ATP12A: variants seen among roughly 807,000 people sequenced by gnomAD.
ATP12A encodes ATPase H+/K+ transporting non-gastric alpha2 subunit.
A neutral mutation model predicts 111.2 loss-of-function variants in ATP12A; 81 were observed. The observed-to-expected ratio is 0.73, with a 90% confidence interval of 0.61 to 0.88. The LOEUF (loss-of-function observed/expected upper bound fraction) is 0.88, where lower values mean the gene tolerates loss of function less well. Among genes scored for constraint, ATP12A ranks in the 40% least tolerant of loss-of-function variants. The probability of loss-of-function intolerance (pLI) is 0.00; values close to 1 mark genes in which losing one functional copy is unlikely to be tolerated. For synonymous variants in ATP12A, 498 were observed against 499.8 expected (o/e 1.00, Z 0.05); for missense variants, 1,196 against 1,313.1 (o/e 0.91, Z 1.38).
intron 19 of ATP12A, 128 bp downstream of exon 19, chr13:24,709,956 C>A: frequency 3.6e-6 from 5 of 1,374,440 alleles, no homozygotes; most frequent in Admixed American, 4.3e-5. Flanking sequence ...GGGCTCAGGG[C>A]CCCCTTGCTG....
chr13:24,697,047 G>T (rs1875197248), intron 11 of ATP12A, among the ~76,000 whole-genome samples: 1 of 152,218 alleles, frequency 6.6e-6, no homozygotes, highest in Non-Finnish European at 1.5e-5. Flanking sequence ...TAATTTAAAA[G>T]ATTATCCTTT....
At position 24,710,803 on chromosome 13, in the gene ATP12A, T is replaced by C. The variant is rs1358395936; in HGVS notation, c.2909T>C (p.Ile970Thr). 1 of 1,614,200 alleles carries C rather than the reference T, an allele frequency of 6.2e-7. No individual in the cohort carries two copies. The highest frequency in any genetic ancestry group is 1.1e-5 in the South Asian group (1 of 91,078). The change falls in exon 21 of 23, where the codon ATC becomes ACC. Residue 970 changes from isoleucine (I) to threonine (T), a missense_variant. By Grantham distance (89) the Ile-to-Thr change is moderately conservative (BLOSUM62 -1). Transcript: ENST00000381946. ...FQQGLFRNKV[I>T]WVGITSQIII... Reference sequence around the variant, plus strand: ...TGTGTGTCTTGCAGAAATAAAGTCATCTGGGTGGGGATCACCTCACAGATC... The same window carrying C: ...TGTGTGTCTTGCAGAAATAAAGTCACCTGGGTGGGGATCACCTCACAGATC...
chr13:24,709,256 GC>G (rs1360567048), intron 17 of ATP12A, 107 bp from the exon 18 acceptor site: 1 of 584,596 alleles, frequency 1.7e-6, no homozygotes, highest in Non-Finnish European at 2.8e-6. Flanking sequence ...CCAGCTCCAT[GC>G]CCCCCACCCC....
chr13:24,681,688 CA>C lies in ATP12A; in HGVS notation c.137del (p.His46ProfsTer97). ...NNCLELKKKN[H>X]KEEFQKELHL... ...CTGCCTGGAACTCAAAAAGAAAAAT[CA>C]CAAAGAGGAGTTTCAGAAAGAACTC... is the stretch of plus-strand genomic sequence containing the variant. On this transcript the variant is annotated frameshift_variant, in exon 2 of 23. Transcript: ENST00000381946. LOFTEE classifies it high-confidence loss of function. The C allele has an allele frequency of 6.2e-7, 1 of 1,614,188 alleles. No individual in the cohort carries two copies. The highest frequency in any genetic ancestry group is 8.5e-7 in the Non-Finnish European group (1 of 1,180,030).
chr13:24,708,319 G>A (rs1875760968), intron 17 of ATP12A, among the ~76,000 whole-genome samples: 1 of 152,212 alleles, frequency 6.6e-6, no homozygotes, highest in Non-Finnish European at 1.5e-5. Context: ...AGCAGGGAAA[G>A]CAACAGACAG....
Position 24,691,079 on chromosome 13 carries a change from T to C in ATP12A, c.897T>C (p.Ile299=), listed in dbSNP as rs1329234174. 3.1e-6 allele frequency: 5 copies of C among 1,614,256 alleles called. No individual in the cohort carries two copies. In the East Asian group the frequency reaches 1.1e-4, roughly 36 times the overall value. ...GAGTTGGAAATGAGAAGACGCCCAT[T>C]GCCATTGAGATCGAGCACTTTGTTC... ...ASGVGNEKTP[I]AIEIEHFVHI... The change falls in exon 8 of 23, where the codon ATT becomes ATC. Residue 299 remains isoleucine, a synonymous_variant. Transcript: ENST00000381946.
rs568134467 is a variant in ATP12A at position 24,703,392 on chromosome 13, G to A, written c.2018+1321G>A. Among the ~76,000 whole-genome samples the A allele has an allele frequency of 3.6e-3, 548 of 151,976 alleles. 3 individuals are homozygous for A. The highest frequency in any genetic ancestry group is 6.5e-3 in the Non-Finnish European group (441 of 67,926). On this transcript the variant is annotated intron_variant, in intron 14 of 22. Transcript: ENST00000381946. ...TGAATAGCTGGGATTACAGGCGCCC[G>A]CCACCATGCCTGGCTAATTTTGTAT... is the stretch of plus-strand genomic sequence containing the variant.
chr13:24,697,350 T>A (rs1391362897), intron 11 of ATP12A, among the ~76,000 whole-genome samples: 4 of 152,160 alleles, frequency 2.6e-5, no homozygotes, highest in Non-Finnish European at 4.4e-5. Flanking sequence ...AAGCCTTATC[T>A]TGGCCAGGTA....
Position 24,711,673 on chromosome 13 carries a change from C to A in ATP12A, c.*151C>A. The A allele has an allele frequency of 9.6e-7, 1 of 1,037,448 alleles. No homozygotes were observed. The highest frequency in any genetic ancestry group is 1.4e-6 in the Non-Finnish European group (1 of 710,332). The allele number at this position is 1,037,448 out of a possible 1,614,324, so 64.3% of individuals were successfully genotyped here. A position where few individuals can be genotyped will look rare whatever the true frequency, so the allele number is the denominator to read the frequency against. On this transcript the variant is annotated 3_prime_UTR_variant, in exon 23 of 23. Coordinates refer to ENST00000381946, the MANE Select transcript of ATP12A (RefSeq NM_001676.7). The stretch of plus-strand genomic sequence containing the variant: ...TGCAGAAAGCTGTATGCAGGATGCT[C>A]ACTGATGTTTTGCACTTTAAAACTG...
intron 13 of ATP12A, 97 bp from the exon 14 acceptor site, chr13:24,701,838 T>TC: frequency 6.6e-7 from 1 of 1,506,812 alleles, no homozygotes; most frequent in Non-Finnish European, 9.1e-7. Context: ...AACCACGTTC[T>TC]CCCAGGGCAC....
At chr13:24,689,126 G>A (rs922499413) in intron 4 of ATP12A, 136 bp from the exon 5 acceptor site, 2 of 705,800 alleles carry the variant, frequency 2.8e-6, no homozygotes, top group African/African-American at 1.8e-5. Context: ...CACTTAACAT[G>A]GGCGAATTCC....
At chr13:24,699,412 T>C (rs1477271370) in intron 12 of ATP12A, among the ~76,000 whole-genome samples, 1 of 152,132 alleles carries the variant, frequency 6.6e-6, no homozygotes, top group East Asian at 1.9e-4. Flanking sequence ...TCTTTAAATG[T>C]CTTTGGCGGC....
intron 14 of ATP12A, among the ~76,000 whole-genome samples, chr13:24,703,130 A>T (rs1426253140): frequency 6.6e-6 from 1 of 152,218 alleles, no homozygotes; most frequent in Non-Finnish European, 1.5e-5. Flanking sequence ...GCCCTTTAGT[A>T]TACATAACAT....
rs1874974043 is a variant in ATP12A, at chr13:24,692,884, C to T, written c.1365C>T (p.Val455=). The T allele has an allele frequency of 4.3e-6, 7 of 1,613,756 alleles. No individual in the cohort carries two copies. Among genetic ancestry groups the T allele is most frequent in the Non-Finnish European group, 5.9e-6 (7 of 1,179,774 alleles). ...AGTTCAAGCCAGGACAGGAAAATGTCCCCATCATGAAGGTAATGCTTCTGC... is the reference window on the plus strand; with the variant it reads ...AGTTCAAGCCAGGACAGGAAAATGTTCCCATCATGAAGGTAATGCTTCTGC... ...RAEFKPGQEN[V]PIMKKAVIGD... is the part of the protein sequence containing the mutation. Residue 455 remains valine (V), a synonymous_variant, in exon 10 of 23, where the codon GTC becomes GTT. Coordinates refer to ENST00000381946, the MANE Select transcript of ATP12A (RefSeq NM_001676.7).
intron 8 of ATP12A, among the ~76,000 whole-genome samples, chr13:24,691,769 C>T (rs1230779854): frequency 6.6e-6 from 1 of 152,140 alleles, no homozygotes; most frequent in Non-Finnish European, 1.5e-5. Context: ...TCAGTCTCTC[C>T]TGTGGGGGTC....
In ATP12A at chr13:24,709,488, G is replaced by C; in HGVS notation, c.2617+1G>C. 1 of 1,612,970 alleles carries C rather than the reference G, an allele frequency of 6.2e-7. No individual in the cohort carries two copies. Among genetic ancestry groups the C allele is most frequent in the Non-Finnish European group, 8.5e-7 (1 of 1,179,152 alleles). On this transcript the variant is annotated splice_donor_variant, in intron 18 of 22. Coordinates refer to ENST00000381946, the MANE Select transcript of ATP12A (RefSeq NM_001676.7). LOFTEE classifies it high-confidence loss of function. ...GCTGTGTACTCATACCTGCACATTG[G>C]TACGATGAGGGCGCGTCTTCCCCAT...
At chr13:24,690,298 T>C in intron 5 of ATP12A, 40 bp from the exon 6 acceptor site, 1 of 1,608,614 alleles carries the variant, frequency 6.2e-7, no homozygotes, top group Non-Finnish European at 8.5e-7. Flanking sequence ...GCCGGTGTCC[T>C]TCCAGGGTCT....
In ATP12A at chr13:24,692,596, C is replaced by A; in HGVS notation, c.1236C>A (p.Ile412=). ...CCCATCTGTGGTTCGACAATCAGAT[C>A]TTTGTGGCTGACACCAGTGAGGACC... ...TVAHLWFDNQ[I]FVADTSEDHS... The change falls in exon 9 of 23, where the codon ATC becomes ATA. Residue 412 remains isoleucine, a synonymous_variant. Transcript: ENST00000381946. 2 of 1,614,026 alleles carry A rather than the reference C, an allele frequency of 1.2e-6. No individual in the cohort carries two copies. Among genetic ancestry groups the A allele is most frequent in the Non-Finnish European group, 1.7e-6 (2 of 1,179,892 alleles).
chr13:24,711,459 C>T, intron 22 of ATP12A, 35 bp from the exon 23 acceptor site: 4 of 1,614,132 alleles, frequency 2.5e-6, no homozygotes, highest in Admixed American at 1.7e-5. Flanking sequence ...TCAACAGACT[C>T]TCCATTTCTG....
Sources: allele counts gnomAD v4.1 joint callset (sites outside exome capture counted in the v4.1 genomes callset), GRCh38; gene constraint gnomAD v4.1.1; transcripts MANE v1.5; gene names NCBI Gene and HGNC (gene_info 2026-07-23, HGNC 2026-07-21).